Variants in TRPS1 observed in about 807,000 individuals in gnomAD.
TRPS1 encodes the protein zinc finger transcription factor Trps1.
A neutral mutation model predicts 101.2 loss-of-function variants in TRPS1; 6 were observed. The observed-to-expected ratio is 0.06, with a 90% CI of 0.03 to 0.12. The LOEUF is 0.12. TRPS1 is among the 10% of genes least tolerant of loss of function. The pLI is 1.00. For missense variants in TRPS1, 1,363 were observed against 1,567.0 expected, an observed-to-expected ratio of 0.87 and a Z score of 2.20; for synonymous variants, 578 against 589.8, an observed-to-expected ratio of 0.98 and a Z score of 0.29.
chr8:115,502,141 TGCA>T (rs1481615657), intron 5 of TRPS1, among the ~76,000 whole-genome samples: 1 of 152,206 alleles, frequency 6.6e-6, no homozygotes, highest in Admixed American at 6.5e-5. Flanking sequence ...CTTGATATGC[TGCA>T]GATTTGAATC....
rs545052924 is a variant in TRPS1, at chr8:115,434,351, G to A, written c.2701-15899C>T. Among the ~76,000 whole-genome samples, 4 of 152,250 alleles carry A rather than the reference G, an allele frequency of 2.6e-5. No homozygotes were observed. The East Asian group carries it at 5.8e-4, about 22-fold the overall frequency. On this transcript the variant is annotated intron_variant, in intron 5 of 6. Transcript: ENST00000395715. ...ATTTAAAACAGAGAGACTTCTGGAA[G>A]TTGATCCATGCTATTAACTTTATTG...
intron 2 of TRPS1, among the ~76,000 whole-genome samples, chr8:115,620,700 C>T (rs1354722089): frequency 1.3e-5 from 2 of 152,150 alleles, no homozygotes; most frequent in Non-Finnish European, 2.9e-5. Flanking sequence ...CGGAGGATGA[C>T]AAACGTTCCA....
intron 5 of TRPS1, among the ~76,000 whole-genome samples, chr8:115,493,804 A>G (rs1334585611): frequency 6.6e-6 from 1 of 152,258 alleles, no homozygotes; most frequent in African/African-American, 2.4e-5. Context: ...TTTAAAAGAT[A>G]TGCTATAAAT....
chr8:115,630,220 G>C (rs1818608407), intron 1 of TRPS1, among the ~76,000 whole-genome samples: 1 of 151,968 alleles, frequency 6.6e-6, no homozygotes, highest in Non-Finnish European at 1.5e-5. Context: ...TCACATATGA[G>C]AGGAAGAATA....
chr8:115,442,577 GTGTA>G (rs1408941835), intron 5 of TRPS1, among the ~76,000 whole-genome samples: 8 of 151,244 alleles, frequency 5.3e-5, no homozygotes, highest in Non-Finnish European at 1.0e-4. Flanking sequence ...GTGTGTGTGT[GTGTA>G]TGTGTGTGTG....
chr8:115,539,819 C>T (rs1030572139), intron 5 of TRPS1, among the ~76,000 whole-genome samples: 8 of 152,320 alleles, frequency 5.3e-5, no homozygotes, highest in African/African-American at 1.9e-4. Context: ...GATCCTGCCA[C>T]TGCTCCAGCC....
chr8:115,442,305 T>G (rs1055972107), intron 5 of TRPS1, among the ~76,000 whole-genome samples: 6 of 152,206 alleles, frequency 3.9e-5, no homozygotes, highest in Admixed American at 1.3e-4. Context: ...CCCACTGATT[T>G]TCTGAAGGAA....
chr8:115,440,984 T>TAA (rs1218259485), intron 5 of TRPS1, among the ~76,000 whole-genome samples: 2 of 151,508 alleles, frequency 1.3e-5, no homozygotes, highest in Non-Finnish European at 2.9e-5. Flanking sequence ...TTTGCTTTGC[T>TAA]AAAAAAAAAC....
At chr8:115,626,143 C>T (rs1818504174) in intron 1 of TRPS1, among the ~76,000 whole-genome samples, 1 of 151,408 alleles carries the variant, frequency 6.6e-6, no homozygotes, top group Admixed American at 6.6e-5. Context: ...AAAGTCCCCA[C>T]AAAGAATTTA....
At chr8:115,530,943 G>A (rs1490169614) in intron 5 of TRPS1, among the ~76,000 whole-genome samples, 2 of 152,172 alleles carry the variant, frequency 1.3e-5, no homozygotes, top group Admixed American at 6.5e-5. Context: ...GGTGGGGGAA[G>A]GGGGGAGGGA....
rs1222151458 is a variant in TRPS1, at chr8:115,411,444, T to C, written c.*2579A>G. On this transcript the variant is annotated 3_prime_UTR_variant, in exon 7 of 7. Transcript: ENST00000395715. ...ACCAAACTTCTGGTGTTTTGCTGAT[T>C]TAAGCAGTCCACATAGATAATGTTG... 4 of 152,404 alleles carry C rather than the reference T, an allele frequency of 2.6e-5. No individual in the cohort carries two copies. Among genetic ancestry groups the C allele is most frequent in the Admixed American group, 1.3e-4 (2 of 15,246 alleles). 9.4% of individuals were successfully genotyped at this position (152,404 alleles called of 1,614,324 possible). A position where few individuals can be genotyped will look rare whatever the true frequency, so the allele number is the denominator to read the frequency against.
At chr8:115,605,446 G>A (rs908269886) in intron 3 of TRPS1, among the ~76,000 whole-genome samples, 2 of 152,164 alleles carry the variant, frequency 1.3e-5, no homozygotes, top group African/African-American at 4.8e-5. Context: ...CAATGCAGAT[G>A]TTCTCCAAGG....
In TRPS1 at chr8:115,469,508, G is replaced by A. The variant is rs779692334; in HGVS notation, c.2701-51056C>T. Among the ~76,000 whole-genome samples the A allele has an allele frequency of 1.1e-4, 17 of 151,478 alleles. 1 individual carries two copies. The highest frequency in any genetic ancestry group is 2.1e-4 in the Non-Finnish European group (14 of 67,822). ...GCTACAGTCAGGTTTTTTTGTTTTT[G>A]TTTTTTTTGAGATGGAGTCTGGCTC... On this transcript the variant is annotated intron_variant, in intron 5 of 6. Transcript: ENST00000395715.
chr8:115,427,118 A>T (rs1346886597), intron 5 of TRPS1, among the ~76,000 whole-genome samples: 10 of 149,632 alleles, frequency 6.7e-5, no homozygotes, highest in Non-Finnish European at 1.2e-4. Flanking sequence ...ACAAAAAGTT[A>T]AAAAAAAAAT....
chr8:115,663,146 C>A (rs1811844610), intron 1 of TRPS1, among the ~76,000 whole-genome samples: 1 of 152,044 alleles, frequency 6.6e-6, no homozygotes, highest in Non-Finnish European at 1.5e-5. Flanking sequence ...TCCAGCAGTG[C>A]TCAGCAGGAA....
chr8:115,510,462 C>T lies in TRPS1; in HGVS notation c.2700+76539G>A, dbSNP rs1295222238. 2.0e-5 allele frequency among the ~76,000 whole-genome samples: 3 copies of T among 151,932 alleles called. No individual in the cohort carries two copies. In the South Asian group the frequency reaches 6.2e-4, roughly 32 times the overall value. On this transcript the variant is annotated intron_variant, in intron 5 of 6. Coordinates refer to ENST00000395715, the MANE Select transcript of TRPS1 (RefSeq NM_014112.5). The stretch of plus-strand genomic sequence containing the variant: ...TCCAAAAACTATTAATCTGTTCTTC[C>T]TAAGCTATAAATCTTAAGCTATCTA...
chr8:115,487,973 T>C (rs1814926790), intron 5 of TRPS1, among the ~76,000 whole-genome samples: 1 of 152,160 alleles, frequency 6.6e-6, no homozygotes, highest in African/African-American at 2.4e-5. Flanking sequence ...TGAATAGCAT[T>C]GCATACTACA....
At chr8:115,628,249 G>A (rs1818553293) in intron 1 of TRPS1, among the ~76,000 whole-genome samples, 1 of 151,718 alleles carries the variant, frequency 6.6e-6, no homozygotes. Flanking sequence ...AATGGACTAA[G>A]GACAACCATA....
rs1047695472 is a variant in TRPS1, at chr8:115,409,106, C to A, written c.*4917G>T. 6 of 151,338 alleles carry A rather than the reference C, an allele frequency of 4.0e-5. No homozygotes were observed. The highest frequency in any genetic ancestry group is 2.9e-5 in the Non-Finnish European group (2 of 67,820). The allele number at this position is 151,338 out of a possible 1,614,324, so 9.4% of individuals were successfully genotyped here. On this transcript the variant is annotated 3_prime_UTR_variant, in exon 7 of 7. Coordinates refer to ENST00000395715, the MANE Select transcript of TRPS1 (RefSeq NM_014112.5). ...AATAATACTTGGCACTCCTATGGTG[C>A]CTTTCAACCAAGGATCTCAAAGTGC...
Sources: gnomAD v4.1 joint callset for allele counts (sites outside exome capture counted in the v4.1 genomes callset) on GRCh38, gnomAD v4.1.1 for gene constraint, MANE v1.5 for transcripts, NCBI Gene and HGNC (gene_info 2026-07-23, HGNC 2026-07-21) for gene names.